TUSC3: variants seen among roughly 807,000 people sequenced by gnomAD.
The protein encoded by TUSC3 is tumor suppressor candidate 3, also known as dolichyl-diphosphooligosaccharide--protein glycosyltransferase subunit TUSC3.
TUSC3 carries 45 observed loss-of-function variants against 44.8 expected under a neutral mutation model. The observed-to-expected ratio is 1.00, with a 90% confidence interval of 0.79 to 1.29. TUSC3 has a LOEUF of 1.29. Ranked by LOEUF, TUSC3 falls within the 50% of genes most tolerant of loss-of-function variation. The pLI is 0.00. For missense variants in TUSC3, 519 were observed against 437.9 expected, an observed-to-expected ratio of 1.19 and a Z score of -1.65; for synonymous variants, 212 against 152.9, an observed-to-expected ratio of 1.39 and a Z score of -2.85.
intron 1 of TUSC3, among the ~76,000 whole-genome samples, chr8:15,434,997 C>T (rs28725315): frequency 0.012 from 1,729 of 148,550 alleles, 54 homozygotes; most frequent in African/African-American, 0.043. Context: ...AGTAAACATA[C>T]GTGTGCATGT....
At chr8:15,498,915 C>G (rs972871024) in intron 2 of TUSC3, among the ~76,000 whole-genome samples, 1 of 152,122 alleles carries the variant, frequency 6.6e-6, no homozygotes, top group African/African-American at 2.4e-5. Context: ...TTATAGTGTT[C>G]CTGTTTACCG....
the TUSC3 span, among the ~76,000 whole-genome samples, chr8:15,848,107 A>G: frequency 2.0e-5 from 3 of 152,180 alleles, no homozygotes; most frequent in Admixed American, 6.5e-5. Flanking sequence ...ATACTGGCCT[A>G]TTAGACTGTC....
downstream of TUSC3, among the ~76,000 whole-genome samples, chr8:15,771,125 C>T (rs1438003416): frequency 6.6e-6 from 1 of 152,150 alleles, no homozygotes; most frequent in Non-Finnish European, 1.5e-5. Flanking sequence ...AAGAAACCAT[C>T]GGCCAAGAAT....
At chr8:15,782,299 T>TC in the TUSC3 span, among the ~76,000 whole-genome samples, 1 of 151,982 alleles carries the variant, frequency 6.6e-6, no homozygotes, top group Admixed American at 6.6e-5. Flanking sequence ...ATAGCAAGAC[T>TC]CCATCTGTAC....
At chr8:15,423,980 T>TG (rs1183039053) in intron 1 of TUSC3, among the ~76,000 whole-genome samples, 8 of 57,438 alleles carry the variant, frequency 1.4e-4, no homozygotes, top group Non-Finnish European at 1.2e-4. Context: ...TTTTTTTTTT[T>TG]TTTTTTTTTT....
intron 1 of TUSC3, among the ~76,000 whole-genome samples, chr8:15,569,103 G>A (rs972705133): frequency 6.6e-6 from 1 of 152,034 alleles, no homozygotes; most frequent in Admixed American, 6.6e-5. Context: ...ATCAGTAACA[G>A]TTTCCTTTAT....
intron 1 of TUSC3, among the ~76,000 whole-genome samples, chr8:15,463,062 A>C (rs892680329): frequency 3.3e-5 from 5 of 149,468 alleles, no homozygotes; most frequent in African/African-American, 9.8e-5. Flanking sequence ...CTCTTCCTCT[A>C]CCTTCTCCTT....
intron 1 of TUSC3, among the ~76,000 whole-genome samples, chr8:15,422,216 T>C (rs1799746538): frequency 6.6e-6 from 1 of 152,378 alleles, no homozygotes; most frequent in African/African-American, 2.4e-5. Flanking sequence ...CTCATGTTAC[T>C]ATTCTTGTGT....
At chr8:15,767,436 A>AG (rs1293297010), downstream of TUSC3, among the ~76,000 whole-genome samples, 1 of 144,814 alleles carries the variant, frequency 6.9e-6, no homozygotes, top group African/African-American at 2.8e-5. Flanking sequence ...AAAAACAGGA[A>AG]AAAAAAAAAA....
intron 2 of TUSC3, among the ~76,000 whole-genome samples, chr8:15,648,608 C>G (rs1424714914): frequency 6.6e-6 from 1 of 151,548 alleles, no homozygotes; most frequent in Non-Finnish European, 1.5e-5. Context: ...CGCCTGTAGT[C>G]CCAGCTACTC....
At chr8:15,564,661 C>A (rs1802598937) in intron 1 of TUSC3, among the ~76,000 whole-genome samples, 2 of 152,148 alleles carry the variant, frequency 1.3e-5, no homozygotes, top group South Asian at 4.2e-4. Flanking sequence ...TTCACAGACA[C>A]AAGCTAGATG....
At position 15,512,872 on chromosome 8, in the gene TUSC3, G is replaced by GTATATA. The variant is rs55768442; in HGVS notation, n.189+29398_189+29403dup. Among the ~76,000 whole-genome samples the GTATATA allele has an allele frequency of 7.2e-3, 951 of 132,254 alleles. 20 individuals are homozygous for GTATATA. The highest frequency in any genetic ancestry group is 0.028 in the Middle Eastern group (7 of 252). 86.8% of individuals were successfully genotyped at this position (132,254 alleles called of 152,430 possible). ...TGTGTGTGTGTATATATATGTGTGT[G>GTATATA]TATATATATATATACACACAATTCT... On this transcript the variant is annotated intron_variant and non_coding_transcript_variant, in intron 2 of 5. Coordinates refer to the TUSC3 transcript ENST00000503191.
At chr8:15,791,020 T>C in the TUSC3 span, among the ~76,000 whole-genome samples, 5 of 151,992 alleles carry the variant, frequency 3.3e-5, no homozygotes, top group South Asian at 2.1e-4. Context: ...ATAGAAGAGA[T>C]TGCAGTACTC....
chr8:15,717,126 G>T (rs936268512), intron 6 of TUSC3, among the ~76,000 whole-genome samples: 1 of 151,968 alleles, frequency 6.6e-6, no homozygotes. Context: ...TTATAAATAC[G>T]TATGTTTAAA....
chr8:15,517,522 CA>C (rs71211049), intron 2 of TUSC3, among the ~76,000 whole-genome samples: 40 of 77,568 alleles, frequency 5.2e-4, no homozygotes, highest in African/African-American at 9.9e-4. Context: ...TAGCGTGAGG[CA>C]AAAAAAAAAA....
In TUSC3 at chr8:15,613,287, A is replaced by G. The variant is rs1018844513; in HGVS notation, c.139-9793A>G. Among the ~76,000 whole-genome samples the G allele has an allele frequency of 3.3e-5, 5 of 151,728 alleles. No individual in the cohort carries two copies. In the South Asian group the frequency reaches 6.2e-4, roughly 19 times the overall value. The stretch of plus-strand genomic sequence containing the variant: ...TGCTTTTCTTGTAATACTCAGAAAC[A>G]TTAGGTAACTCTGAGATTGAAGGTA... On this transcript the variant is annotated intron_variant, in intron 1 of 10. Transcript: ENST00000503731.
chr8:15,510,605 A>G (rs989820631), intron 2 of TUSC3, among the ~76,000 whole-genome samples: 2 of 152,194 alleles, frequency 1.3e-5, no homozygotes, highest in Admixed American at 1.3e-4. Context: ...AAACCTTCCC[A>G]CACAGAAAAC....
At chr8:15,689,119 C>T (rs1379690157) in intron 6 of TUSC3, 2 of 383,128 alleles carry the variant, frequency 5.2e-6, no homozygotes, top group African/African-American at 2.2e-5. Flanking sequence ...TCTTGTCTTG[C>T]ACGCCATTCT....
At chr8:15,763,857 C>G (rs999965634) in intron 10 of TUSC3, among the ~76,000 whole-genome samples, 81 of 152,146 alleles carry the variant, frequency 5.3e-4, no homozygotes, top group African/African-American at 1.9e-3. Context: ...CCACTTCACG[C>G]ATTTGTTTCA....
Sources: allele counts gnomAD v4.1 joint callset (sites outside exome capture counted in the v4.1 genomes callset), GRCh38; gene constraint gnomAD v4.1.1; transcripts MANE v1.5; gene names NCBI Gene and HGNC (gene_info 2026-07-23, HGNC 2026-07-21).